ATP13A5: variants seen among roughly 807,000 people sequenced by gnomAD.
ATP13A5 encodes probable cation-transporting ATPase 13A5.
Under a neutral mutation model 150.2 loss-of-function variants are expected in ATP13A5, and 149 were observed. The ratio of observed to expected loss-of-function variants is 0.99; its 90% CI spans 0.87 to 1.14. ATP13A5 has a LOEUF of 1.14. ATP13A5 is among the 50% of genes most tolerant of loss of function. The pLI is 0.00. For synonymous variants in ATP13A5, 497 were observed against 522.2 expected (o/e 0.95, Z 0.66); for missense variants, 1,383 against 1,449.3 (o/e 0.95, Z 0.74).
chr3:193,322,403 A>G (rs1719314210), intron 15 of ATP13A5, 88 bp downstream of exon 15: 1 of 1,044,346 alleles, frequency 9.6e-7, no homozygotes, highest in Non-Finnish European at 1.5e-6. Flanking sequence ...AAGGCAAAAT[A>G]ATAGGACTAT....
intron 10 of ATP13A5, 110 bp downstream of exon 10, chr3:193,334,819 T>C: frequency 1.1e-6 from 1 of 951,102 alleles, no homozygotes; most frequent in Non-Finnish European, 1.6e-6. Context: ...AAAAAGCATG[T>C]TGTTACTACC....
chr3:193,359,292 A>G (rs1437029060), intron 5 of ATP13A5, among the ~76,000 whole-genome samples: 1 of 152,110 alleles, frequency 6.6e-6, no homozygotes, highest in African/African-American at 2.4e-5. Context: ...AAGGGGATAG[A>G]GGTCACGGTA....
intron 7 of ATP13A5, among the ~76,000 whole-genome samples, chr3:193,346,448 G>C (rs774322129): frequency 6.6e-6 from 1 of 152,124 alleles, no homozygotes; most frequent in African/African-American, 2.4e-5. Context: ...CAACATCAGC[G>C]AGAGAAAGTT....
At chr3:193,359,299 G>A (rs117035397) in intron 5 of ATP13A5, among the ~76,000 whole-genome samples, 4 of 152,024 alleles carry the variant, frequency 2.6e-5, no homozygotes, top group East Asian at 1.9e-4. Context: ...TAGAGGTCAC[G>A]GTATATAAGC....
chr3:193,277,992 C>A (rs375829741), intron 28 of ATP13A5, among the ~76,000 whole-genome samples: 1 of 152,028 alleles, frequency 6.6e-6, no homozygotes, highest in Non-Finnish European at 1.5e-5. Context: ...TTAGTAGAGA[C>A]GGGGTTTTAC....
At chr3:193,291,259 G>A (rs1717943316) in intron 25 of ATP13A5, among the ~76,000 whole-genome samples, 1 of 152,164 alleles carries the variant, frequency 6.6e-6, no homozygotes, top group Middle Eastern at 3.4e-3. Context: ...ATCAATCAAT[G>A]TTTTCCCGGC....
At chr3:193,347,024 G>A (rs78155425) in intron 7 of ATP13A5, among the ~76,000 whole-genome samples, 2 of 152,206 alleles carry the variant, frequency 1.3e-5, no homozygotes, top group African/African-American at 2.4e-5. Flanking sequence ...AAGAAATTGC[G>A]CCTTAGAATT....
intron 9 of ATP13A5, among the ~76,000 whole-genome samples, chr3:193,340,826 T>C (rs1466602982): frequency 6.6e-6 from 1 of 152,220 alleles, no homozygotes; most frequent in Non-Finnish European, 1.5e-5. Flanking sequence ...TCATGTTTTC[T>C]GTCTCTGTCA....
At chr3:193,341,177 C>G (rs58697541) in intron 9 of ATP13A5, among the ~76,000 whole-genome samples, 7 of 139,100 alleles carry the variant, frequency 5.0e-5, no homozygotes, top group Admixed American at 4.4e-4. Flanking sequence ...CCCCCCCTCC[C>G]AAATGATATT....
At chr3:193,320,845 A>G (rs1456253345) in intron 16 of ATP13A5, among the ~76,000 whole-genome samples, 1 of 152,224 alleles carries the variant, frequency 6.6e-6, no homozygotes, top group African/African-American at 2.4e-5. Context: ...TGTTTATAAG[A>G]CTAAAAAGCA....
intron 27 of ATP13A5, chr3:193,281,249 T>G: frequency 1.0e-6 from 1 of 980,504 alleles, no homozygotes; most frequent in Non-Finnish European, 1.2e-6. Flanking sequence ...AAAGGTCTGT[T>G]CTGATGAAGT....
At chr3:193,329,293 G>C (rs759803337) in intron 12 of ATP13A5, among the ~76,000 whole-genome samples, 2 of 151,830 alleles carry the variant, frequency 1.3e-5, no homozygotes, top group Non-Finnish European at 2.9e-5. Context: ...TTCTGGGTCA[G>C]ATTTCTCATT....
At chr3:193,311,680 G>T in intron 20 of ATP13A5, 136 bp downstream of exon 20, 1 of 1,260,126 alleles carries the variant, frequency 7.9e-7, no homozygotes, top group Non-Finnish European at 1.1e-6. Flanking sequence ...ACTTTTTCAG[G>T]AGCAGTACTC....
At chr3:193,279,830 A>T (rs1181425328) in intron 27 of ATP13A5, among the ~76,000 whole-genome samples, 1 of 151,846 alleles carries the variant, frequency 6.6e-6, no homozygotes, top group Non-Finnish European at 1.5e-5. Flanking sequence ...TCCTCTATTG[A>T]CATTCAAGGC....
intron 9 of ATP13A5, among the ~76,000 whole-genome samples, chr3:193,340,479 G>A (rs1250517469): frequency 6.6e-6 from 1 of 152,208 alleles, no homozygotes; most frequent in Non-Finnish European, 1.5e-5. Flanking sequence ...ATCAACTGAT[G>A]ATAAGCTCGT....
chr3:193,315,559 A>G lies in ATP13A5; in HGVS notation c.2034-463T>C, dbSNP rs1719017545. On this transcript the variant is annotated intron_variant, in intron 17 of 29. Coordinates refer to ENST00000342358, the MANE Select transcript of ATP13A5 (RefSeq NM_198505.4). ...GTTTCCATCTGTCGCCTTGAATAAT[A>G]TTTACTGGCATCAGACAGGGCTCTG... Among the ~76,000 whole-genome samples the G allele has an allele frequency of 2.6e-5, 4 of 152,124 alleles. No individual in the cohort carries two copies. In the South Asian group the frequency reaches 8.3e-4, roughly 32 times the overall value.
rs773463585 is a variant in ATP13A5 at position 193,311,851 on chromosome 3, C to T, written c.2410G>A (p.Val804Met). The T allele has an allele frequency of 6.2e-7, 1 of 1,613,922 alleles. No homozygotes were observed. The highest frequency in any genetic ancestry group is 1.1e-5 in the South Asian group (1 of 91,072). The change falls in exon 20 of 30, where the codon GTG becomes ATG. Residue 804 changes from valine to methionine, a missense_variant. This residue lies in a region of ATP13A5 where 568 missense variants were observed against 621.5 expected (regional missense o/e 0.91). Coordinates refer to ENST00000342358, the MANE Select transcript of ATP13A5 (RefSeq NM_198505.4). ...AAGCTGTTGAAATGCTGAAATATCA[C>T]TTGGTATGATTTCCCACTCATTGCA... ...HFAMSGKSYQ[V>M]IFQHFNSLLP...
chr3:193,319,657 C>A (rs147316354), intron 16 of ATP13A5, among the ~76,000 whole-genome samples: 1 of 152,300 alleles, frequency 6.6e-6, no homozygotes, highest in Non-Finnish European at 1.5e-5. Context: ...ATAGCACAAG[C>A]TGACTCAGAC....
rs1713045162 is a variant in ATP13A5, at chr3:193,362,377, C to T, written c.536+4G>A. On this transcript the variant is annotated splice_donor_region_variant and intron_variant, in intron 5 of 29. Coordinates refer to ENST00000342358, the MANE Select transcript of ATP13A5 (RefSeq NM_198505.4). ...TTACTCTTAAGGCATATAATAAGTC[C>T]TACCTGACCTCTTGCTCTTCACTGG... 1 of 1,613,360 alleles carries T rather than the reference C, an allele frequency of 6.2e-7. No homozygotes were observed. Among genetic ancestry groups the T allele is most frequent in the South Asian group, 1.1e-5 (1 of 91,026 alleles).
Sources: gnomAD v4.1 joint callset for allele counts (sites outside exome capture counted in the v4.1 genomes callset) on GRCh38, gnomAD v4.1.1 for gene constraint, gnomAD v4.1.1 regional missense constraint, MANE v1.5 for transcripts, NCBI Gene and HGNC (gene_info 2026-07-23, HGNC 2026-07-21) for gene names.